WRAP73: variants seen among roughly 807,000 people sequenced by gnomAD.
WRAP73 encodes WD repeat containing, antisense to TP73, also known as WD repeat-containing protein WRAP73.
A neutral mutation model predicts 59.6 loss-of-function variants in WRAP73; 55 were observed. The observed-to-expected ratio is 0.92, with a 90% CI of 0.74 to 1.15. WRAP73 has a LOEUF of 1.15. WRAP73 is among the 50% of genes most tolerant of loss of function. The probability of loss-of-function intolerance (pLI) is 0.00; values close to 1 mark genes in which losing one functional copy is unlikely to be tolerated. For synonymous variants in WRAP73, 265 were observed against 258.2 expected (o/e 1.03, Z -0.25); for missense variants, 592 against 608.1 (o/e 0.97, Z 0.28).
Position 3,646,998 on chromosome 1 carries a change from G to A in WRAP73, c.223-216C>T. 6.6e-6 allele frequency among the ~76,000 whole-genome samples: 1 copy of A among 152,202 alleles called. No homozygotes were observed. The highest frequency in any genetic ancestry group is 1.5e-5 in the Non-Finnish European group (1 of 68,048). ...CTTTTAGAACCTTTCATGATGAAGGGCTGGTGCTGGATTCCAGTGTAAAAG... is the reference window on the plus strand; with the variant it reads ...CTTTTAGAACCTTTCATGATGAAGGACTGGTGCTGGATTCCAGTGTAAAAG... On this transcript the variant is annotated intron_variant, in intron 2 of 11. Coordinates refer to ENST00000270708, the MANE Select transcript of WRAP73 (RefSeq NM_017818.4). This position sits in a 1 kb window ranked among gnomAD's most constrained non-coding sequence, Gnocchi z 5.1.
chr1:3,632,849 A>G (rs553734412), intron 9 of WRAP73: 2 of 214,750 alleles, frequency 9.3e-6, no homozygotes, highest in South Asian at 1.3e-4. Flanking sequence ...CCCCATCCTG[A>G]GCACACACCG....
chr1:3,637,788 C>G (rs918042415), intron 4 of WRAP73, among the ~76,000 whole-genome samples: 1 of 152,124 alleles, frequency 6.6e-6, no homozygotes, highest in Non-Finnish European at 1.5e-5. Flanking sequence ...GAGCTGTGAT[C>G]GTGTCACTGC....
chr1:3,636,826 A>G, intron 5 of WRAP73, 169 bp downstream of exon 5: 2 of 740,284 alleles, frequency 2.7e-6, no homozygotes, highest in Non-Finnish European at 4.7e-6. Flanking sequence ...TCCTGAACAC[A>G]CAACCGGGTG....
chr1:3,638,337 C>G (rs1644607369), intron 4 of WRAP73, among the ~76,000 whole-genome samples: 1 of 152,206 alleles, frequency 6.6e-6, no homozygotes, highest in African/African-American at 2.4e-5. Context: ...ACAGGCAAGA[C>G]CTCCCCCTTT....
At chr1:3,638,987 G>C (rs1015236339) in intron 3 of WRAP73, 165 bp from the exon 4 acceptor site, 2 of 637,992 alleles carry the variant, frequency 3.1e-6, no homozygotes, top group African/African-American at 3.7e-5. Flanking sequence ...ATTCAAATGC[G>C]TATTTTACTG....
At position 3,647,545 on chromosome 1, in the gene WRAP73, A is replaced by T; in HGVS notation, c.85T>A (p.Tyr29Asn). 6.2e-7 allele frequency: 1 copy of T among 1,613,304 alleles called. No homozygotes were observed. Among genetic ancestry groups the T allele is most frequent in the South Asian group, 1.1e-5 (1 of 90,958 alleles). ...DGKYLASCVQ[Y>N]RLVVRDVNTL... ...TTCACATCCCGGACCACTAACCGGT[A>T]CTGGACACAGGAAGCCTAAAAAATA... The change falls in exon 2 of 12, where the codon TAC becomes AAC. Residue 29 changes from tyrosine to asparagine, a missense_variant. Coordinates refer to ENST00000270708, the MANE Select transcript of WRAP73 (RefSeq NM_017818.4).
At position 3,646,661 on chromosome 1, in the gene WRAP73, C is replaced by T. The variant is rs745381966; in HGVS notation, c.339+5G>A. On this transcript the variant is annotated splice_donor_5th_base_variant and intron_variant, in intron 3 of 11. Coordinates refer to ENST00000270708, the MANE Select transcript of WRAP73 (RefSeq NM_017818.4). This position sits in a 1 kb window ranked among gnomAD's most constrained non-coding sequence, Gnocchi z 5.1. ...CCAGTAAGGTGTCTTGGGGCTGACA[C>T]TTACATGGAATTCCGTGGTGTTGAG... 2 of 1,592,782 alleles carry T rather than the reference C, an allele frequency of 1.3e-6. No homozygotes were observed. Among genetic ancestry groups the T allele is most frequent in the Admixed American group, 1.7e-5 (1 of 57,688 alleles).
At chr1:3,641,836 A>G (rs934032901) in intron 3 of WRAP73, among the ~76,000 whole-genome samples, 1 of 152,248 alleles carries the variant, frequency 6.6e-6, no homozygotes, top group African/African-American at 2.4e-5. Context: ...AAGTTTAAGG[A>G]TGCAGAAATG....
At chr1:3,644,997 T>C (rs1224742022) in intron 3 of WRAP73, among the ~76,000 whole-genome samples, 1 of 152,192 alleles carries the variant, frequency 6.6e-6, no homozygotes, top group African/African-American at 2.4e-5. Flanking sequence ...TCTGAAACAC[T>C]CAGGCCGAAA....
rs373620078 is a variant in WRAP73 at position 3,635,091 on chromosome 1, T to C, written c.739-17A>G. ...GATGCGCACCTGAGGAAGGAAACCA[T>C]GCACAGGTGAGGCAGGGCCCGGCCC... On this transcript the variant is annotated splice_polypyrimidine_tract_variant and intron_variant, in intron 7 of 11. Transcript: ENST00000270708. The C allele has an allele frequency of 6.2e-6, 10 of 1,614,046 alleles. No homozygotes were observed. In the African/African-American group the frequency reaches 8.0e-5, roughly 13 times the overall value.
chr1:3,631,115 C>A lies in WRAP73; in HGVS notation c.1243G>T (p.Asp415Tyr). The A allele has an allele frequency of 6.2e-7, 1 of 1,613,202 alleles. No homozygotes were observed. Among genetic ancestry groups the A allele is most frequent in the Non-Finnish European group, 8.5e-7 (1 of 1,179,962 alleles). Residue 415 changes from aspartate to tyrosine, a missense_variant and splice_region_variant, in exon 12 of 12, where the codon GAC becomes TAC. By Grantham distance (160) the Asp-to-Tyr change is radical (BLOSUM62 -3). Transcript: ENST00000270708. ...CMSVQVPGEG[D>Y]FAVLSLCWHL... ...CAGCACAGAGAGAGCACTGCAAAGTCGCCTAGAGAGAGACAGGTGGCCAGA... is the reference window on the plus strand; with the variant it reads ...CAGCACAGAGAGAGCACTGCAAAGTAGCCTAGAGAGAGACAGGTGGCCAGA...
chr1:3,636,011 T>C lies in WRAP73; in HGVS notation c.536A>G (p.Gln179Arg). Residue 179 changes from glutamine (Q) to arginine (R), a missense_variant, in exon 6 of 12, where the codon CAG (glutamine) becomes CGG (arginine). Physicochemically the swap from Gln to Arg is conservative, Grantham distance 43. Coordinates refer to ENST00000270708, the MANE Select transcript of WRAP73 (RefSeq NM_017818.4). Reference protein sequence around the residue: ...QLLRHFDTDTQDLTGIEWAPN... With the variant: ...QLLRHFDTDTRDLTGIEWAPN... The stretch of plus-strand genomic sequence containing the variant: ...GGCCCACTCAATCCCTGTGAGATCC[T>C]GGGTGTCCGTATCAAAATGCTTCCA... 2 of 1,613,954 alleles carry C rather than the reference T, an allele frequency of 1.2e-6. No homozygotes were observed. The highest frequency in any genetic ancestry group is 1.1e-5 in the South Asian group (1 of 91,082).
At position 3,647,551 on chromosome 1, in the gene WRAP73, C is replaced by T; in HGVS notation, c.79G>A (p.Val27Ile). The stretch of plus-strand genomic sequence containing the variant: ...TCCCGGACCACTAACCGGTACTGGA[C>T]ACAGGAAGCCTAAAAAATATGAGAA... Reference protein sequence around the residue: ...SPDGKYLASCVQYRLVVRDVN... With the variant: ...SPDGKYLASCIQYRLVVRDVN... The change falls in exon 2 of 12, where the codon GTC (valine) becomes ATC (isoleucine). Residue 27 changes from valine to isoleucine, a missense_variant. Physicochemically the swap from Val to Ile is conservative, Grantham distance 29. Transcript: ENST00000270708. The T allele has an allele frequency of 6.2e-7, 1 of 1,609,972 alleles. No individual in the cohort carries two copies. Among genetic ancestry groups the T allele is most frequent in the Non-Finnish European group, 8.5e-7 (1 of 1,178,774 alleles).
chr1:3,635,119 T>G, intron 7 of WRAP73, 41 bp downstream of exon 7: 1 of 1,614,156 alleles, frequency 6.2e-7, no homozygotes, highest in Non-Finnish European at 8.5e-7. Flanking sequence ...CCCGGCCCGC[T>G]GGGCGGTCGG....
At chr1:3,647,604 A>G (rs551351867) in intron 1 of WRAP73, 44 bp from the exon 2 acceptor site, 13 of 1,594,056 alleles carry the variant, frequency 8.2e-6, no homozygotes, top group Non-Finnish European at 1.1e-5. Flanking sequence ...CTCCACTCCA[A>G]AAGAGGGGGG....
rs1236981780 is a variant in WRAP73, at chr1:3,631,239, G to A, written c.1241-122C>T. On this transcript the variant is annotated intron_variant, in intron 11 of 11. Coordinates refer to ENST00000270708, the MANE Select transcript of WRAP73 (RefSeq NM_017818.4). ...AGTGACCCACATAGGCAGAGCCAGGGTGGAGCCCCAGAGCTGCCTCAAGTC... is the reference window on the plus strand; with the variant it reads ...AGTGACCCACATAGGCAGAGCCAGGATGGAGCCCCAGAGCTGCCTCAAGTC... 8.0e-6 allele frequency: 12 copies of A among 1,498,428 alleles called. No individual in the cohort carries two copies. The Admixed American group carries it at 2.4e-4, about 29-fold the overall frequency. 92.8% of individuals were successfully genotyped at this position (1,498,428 alleles called of 1,614,324 possible).
In WRAP73 at chr1:3,636,981, G is replaced by C. The variant is rs1304981275; in HGVS notation, c.516+14C>G. 2 of 1,611,892 alleles carry C rather than the reference G, an allele frequency of 1.2e-6. No individual in the cohort carries two copies. The highest frequency in any genetic ancestry group is 1.3e-5 in the African/African-American group (1 of 74,914). On this transcript the variant is annotated intron_variant, in intron 5 of 11. Transcript: ENST00000270708. ...CAGCAGGACAACTTTATTCCAGTCT[G>C]GGGGACGCCTTACCCGCAGGAGCTG...
At position 3,635,199 on chromosome 1, in the gene WRAP73, G is replaced by A. The variant is rs1326280477; in HGVS notation, c.699C>T (p.Pro233=). 6.8e-6 allele frequency: 11 copies of A among 1,614,080 alleles called. No homozygotes were observed. Among genetic ancestry groups the A allele is most frequent in the Non-Finnish European group, 7.6e-6 (9 of 1,180,044 alleles). The change falls in exon 7 of 12, where the codon CCC becomes CCT. Residue 233 remains proline, a synonymous_variant. Transcript: ENST00000270708. ...SLGIKSVAWS[P]SSQFLAVGSY... ...TCCCAACTGCCAGGAACTGACTGCT[G>A]GGGCTCCAGGCCACAGACTTGATGC... is the stretch of plus-strand genomic sequence containing the variant.
chr1:3,642,632 G>A (rs376298077), intron 3 of WRAP73, among the ~76,000 whole-genome samples: 99 of 152,026 alleles, frequency 6.5e-4, no homozygotes, highest in African/African-American at 2.3e-3. Flanking sequence ...AGCTACTCGG[G>A]AGGCTGAGGC....
Sources: gnomAD v4.1 joint callset for allele counts (sites outside exome capture counted in the v4.1 genomes callset) on GRCh38, gnomAD v4.1.1 for gene constraint, Gnocchi (gnomAD v3.1) non-coding constraint, MANE v1.5 for transcripts, NCBI Gene and HGNC (gene_info 2026-07-23, HGNC 2026-07-21) for gene names.